SETBP1: variants seen among roughly 807,000 people sequenced by gnomAD.
The protein encoded by SETBP1 is SET-binding protein.
A neutral mutation model predicts 101.0 loss-of-function variants in SETBP1; 9 were observed. That is an observed-to-expected ratio of 0.09 (90% confidence interval 0.05 to 0.16). The LOEUF (loss-of-function observed/expected upper bound fraction) is 0.16. Ranked by LOEUF, SETBP1 falls within the 10% of genes least tolerant of loss-of-function variation. The pLI, the probability that SETBP1 is intolerant of heterozygous loss-of-function variation, is 1.00. For missense variants in SETBP1, 1,858 were observed against 2,033.8 expected, an observed-to-expected ratio of 0.91 and a Z score of 1.66; for synonymous variants, 818 against 788.5, an observed-to-expected ratio of 1.04 and a Z score of -0.63.
At chr18:44,761,473 A>G (rs1272202638) in intron 2 of SETBP1, among the ~76,000 whole-genome samples, 1 of 152,258 alleles carries the variant, frequency 6.6e-6, no homozygotes, top group African/African-American at 2.4e-5. Context: ...ACTGAGGGTT[A>G]GCAAGCTTAC....
At chr18:44,903,205 C>A (rs1360016516) in intron 3 of SETBP1, among the ~76,000 whole-genome samples, 1 of 152,094 alleles carries the variant, frequency 6.6e-6, no homozygotes, top group Non-Finnish European at 1.5e-5. Context: ...CCCACCTGTT[C>A]CTATTCTATT....
At chr18:44,848,236 G>A (rs1262474706) in intron 2 of SETBP1, among the ~76,000 whole-genome samples, 1 of 152,084 alleles carries the variant, frequency 6.6e-6, no homozygotes, top group Non-Finnish European at 1.5e-5. Flanking sequence ...GGAAAGATGA[G>A]GTAAGCAAGG....
In SETBP1 at chr18:44,851,074, C is replaced by T. The variant is rs150907834; in HGVS notation, c.487-18156C>T. Among the ~76,000 whole-genome samples the T allele has an allele frequency of 2.6e-4, 40 of 152,288 alleles. No individual in the cohort carries two copies. The Middle Eastern group carries it at 0.017, about 65-fold the overall frequency. On this transcript the variant is annotated intron_variant, in intron 2 of 5. Transcript: ENST00000649279. ...CACTATGTAACAGCTGTCCTCTGGA[C>T]CTTTGGTCTGGCTGATGAAGCGGGG...
intron 2 of SETBP1, among the ~76,000 whole-genome samples, chr18:44,850,606 G>A (rs762697729): frequency 7.3e-5 from 11 of 151,722 alleles, no homozygotes; most frequent in Non-Finnish European, 1.2e-4. Context: ...CCTAACCTCA[G>A]GTGATCTGCC....
At chr18:45,018,394 G>T (rs959490628) in intron 4 of SETBP1, among the ~76,000 whole-genome samples, 12 of 152,136 alleles carry the variant, frequency 7.9e-5, no homozygotes, top group Non-Finnish European at 2.9e-5. Flanking sequence ...TCTTGTCTGT[G>T]CCCTTTACCA....
chr18:44,727,719 C>T (rs1262594485), intron 2 of SETBP1, among the ~76,000 whole-genome samples: 1 of 152,214 alleles, frequency 6.6e-6, no homozygotes, highest in Non-Finnish European at 1.5e-5. Context: ...TGAGTTTCCT[C>T]ACAGACATTT....
chr18:44,933,206 G>T (rs539220502), intron 3 of SETBP1, among the ~76,000 whole-genome samples: 2 of 152,328 alleles, frequency 1.3e-5, no homozygotes, highest in East Asian at 1.9e-4. Flanking sequence ...GTTGGAGTTT[G>T]CTGAGGTCCC....
At chr18:44,728,652 A>G (rs1459277214) in intron 2 of SETBP1, among the ~76,000 whole-genome samples, 1 of 152,270 alleles carries the variant, frequency 6.6e-6, no homozygotes, top group African/African-American at 2.4e-5. Context: ...TTCAATGAAC[A>G]GAAAGTATAA....
At chr18:44,912,482 G>T (rs1013659989) in intron 3 of SETBP1, among the ~76,000 whole-genome samples, 9 of 151,574 alleles carry the variant, frequency 5.9e-5, no homozygotes, top group Admixed American at 2.0e-4. Flanking sequence ...GAAACTTTTT[G>T]TTTTTTTTGT....
At chr18:44,742,197 G>C (rs534197777) in intron 2 of SETBP1, among the ~76,000 whole-genome samples, 48 of 152,290 alleles carry the variant, frequency 3.2e-4, no homozygotes, top group African/African-American at 1.1e-3. Context: ...CCATTAAATA[G>C]GTAAACTGAA....
At chr18:45,022,977 A>G (rs1241996440) in intron 4 of SETBP1, among the ~76,000 whole-genome samples, 1 of 152,198 alleles carries the variant, frequency 6.6e-6, no homozygotes, top group African/African-American at 2.4e-5. Flanking sequence ...TGATGAGTAA[A>G]CTGAAGCACA....
At chr18:44,946,428 C>A (rs1165775663) in intron 3 of SETBP1, among the ~76,000 whole-genome samples, 1 of 152,194 alleles carries the variant, frequency 6.6e-6, no homozygotes, top group Admixed American at 6.5e-5. Context: ...AGTCTCATGG[C>A]CTTCTCCAAA....
chr18:44,729,244 A>G (rs1377967677), intron 2 of SETBP1, among the ~76,000 whole-genome samples: 1 of 152,218 alleles, frequency 6.6e-6, no homozygotes, highest in East Asian at 1.9e-4. Context: ...ACAAAGAAGG[A>G]CATGAGCAGA....
At position 44,950,459 on chromosome 18, in the gene SETBP1, C is replaced by A; in HGVS notation, c.1119C>A (p.Ser373=). Residue 373 remains serine, a synonymous_variant, in exon 4 of 6, where the codon TCC becomes TCA. Transcript: ENST00000649279. The stretch of plus-strand genomic sequence containing the variant: ...CAGAAGGGAAAAGGGAAGGTTATTC[C>A]GCAGATAGTGCCCAAGAGGCATCAC... ...DNTEGKREGY[S]ADSAQEASPA... is the part of the protein sequence containing the mutation. 1 of 1,614,094 alleles carries A rather than the reference C, an allele frequency of 6.2e-7. No homozygotes were observed. Among genetic ancestry groups the A allele is most frequent in the Non-Finnish European group, 8.5e-7 (1 of 1,180,028 alleles).
rs763105468 is a variant in SETBP1 at position 44,950,652 on chromosome 18, G to C, written c.1312G>C (p.Ala438Pro). The change falls in exon 4 of 6, where the codon GCT becomes CCT. Residue 438 changes from alanine (A) to proline (P), a missense_variant. Ala to Pro is a conservative substitution (Grantham distance 27, BLOSUM62 -1). This residue lies in a region of SETBP1 where 581 missense variants were observed against 535.1 expected (regional missense o/e 1.09). Coordinates refer to ENST00000649279, the MANE Select transcript of SETBP1 (RefSeq NM_015559.3). ...AAAGATCATGCCAGAGAAAGCCTTG[G>C]CTTCTGGAATCACCATGAGCAGTGA... ...VEKIMPEKAL[A>P]SGITMSSEVV... 4 of 1,614,016 alleles carry C rather than the reference G, an allele frequency of 2.5e-6. No individual in the cohort carries two copies. The African/African-American group carries it at 4.0e-5, about 16-fold the overall frequency.
chr18:45,034,503 A>G (rs1179465387), intron 4 of SETBP1, among the ~76,000 whole-genome samples: 1 of 152,192 alleles, frequency 6.6e-6, no homozygotes, highest in Admixed American at 6.6e-5. Flanking sequence ...CTATTTCTAC[A>G]CAGGCTACAG....
intron 4 of SETBP1, among the ~76,000 whole-genome samples, chr18:45,017,872 C>G (rs1400033281): frequency 2.0e-5 from 3 of 152,178 alleles, no homozygotes; most frequent in Non-Finnish European, 4.4e-5. Flanking sequence ...GCAAAATAAG[C>G]AAAGAAACTG....
intron 3 of SETBP1, among the ~76,000 whole-genome samples, chr18:44,907,608 G>A (rs183854942): frequency 6.6e-6 from 1 of 152,284 alleles, no homozygotes; most frequent in Admixed American, 6.5e-5. Flanking sequence ...AATTGCTGAT[G>A]ATGTTGATCA....
At chr18:44,788,500 G>C (rs1417656042) in intron 2 of SETBP1, among the ~76,000 whole-genome samples, 1 of 152,200 alleles carries the variant, frequency 6.6e-6, no homozygotes, top group Non-Finnish European at 1.5e-5. Context: ...TTAGATGGCT[G>C]AGGCCATTAG....
Sources: allele counts gnomAD v4.1 joint callset (sites outside exome capture counted in the v4.1 genomes callset), GRCh38; gene constraint gnomAD v4.1.1; regional missense constraint gnomAD v4.1.1; transcripts MANE v1.5; gene names NCBI Gene and HGNC (gene_info 2026-07-23, HGNC 2026-07-21).